The following NAV3 variants were observed in gnomAD, a reference collection of about 807,000 sequenced individuals.
NAV3 encodes the protein pore membrane and/or filament interacting like protein 1.
NAV3 carries 87 observed loss-of-function variants against 244.7 expected under a neutral mutation model. That is an observed-to-expected ratio of 0.36 (90% CI 0.30 to 0.42). The LOEUF (loss-of-function observed/expected upper bound fraction) is 0.42. NAV3 is among the 20% of genes least tolerant of loss of function. NAV3 has a pLI of 1.00. For missense variants in NAV3, 2,663 were observed against 2,893.3 expected (o/e 0.92, Z 1.83); for synonymous variants, 1,126 against 1,042.2 (o/e 1.08, Z -1.55).
intron 1 of NAV3, among the ~76,000 whole-genome samples, chr12:77,885,919 A>G (rs1883230424): frequency 6.6e-6 from 1 of 152,074 alleles, no homozygotes; most frequent in Admixed American, 6.6e-5. Flanking sequence ...AATAAATACA[A>G]CCTTTTTAGG....
intron 1 of NAV3, among the ~76,000 whole-genome samples, chr12:77,844,910 G>T (rs1876354305): frequency 6.6e-6 from 1 of 152,016 alleles, no homozygotes; most frequent in African/African-American, 2.4e-5. Context: ...CTCGACTTTG[G>T]GATTAGGACA....
intron 1 of NAV3, among the ~76,000 whole-genome samples, chr12:77,844,820 T>C (rs909647026): frequency 6.6e-6 from 1 of 152,174 alleles, no homozygotes; most frequent in African/African-American, 2.4e-5. Flanking sequence ...TAATATGAAA[T>C]CACTAAACTT....
intron 2 of NAV3, among the ~76,000 whole-genome samples, chr12:77,757,913 C>T (rs1289065575): frequency 3.3e-5 from 5 of 152,198 alleles, no homozygotes; most frequent in South Asian, 2.1e-4. Flanking sequence ...CTTCTGAGAC[C>T]CCATTTCACT....
At chr12:77,997,230 C>A (rs1593231420) in intron 6 of NAV3, among the ~76,000 whole-genome samples, 1 of 109,628 alleles carries the variant, frequency 9.1e-6, no homozygotes, top group Non-Finnish European at 1.8e-5. Context: ...AGAGTGACAC[C>A]CTGTCTCAAA....
At chr12:77,701,312 A>G (rs139474832) in intron 2 of NAV3, among the ~76,000 whole-genome samples, 161 of 152,074 alleles carry the variant, frequency 1.1e-3, no homozygotes, top group African/African-American at 3.5e-3. Context: ...GATGTAATCA[A>G]AGTTGTCAAA....
chr12:77,976,674 C>CTTTTTTTT (rs869041498), intron 5 of NAV3, among the ~76,000 whole-genome samples: 16 of 83,426 alleles, frequency 1.9e-4, no homozygotes, highest in East Asian at 7.9e-4. Flanking sequence ...TTCTTTTTTT[C>CTTTTTTTT]TTTTTTTTTT....
chr12:77,991,286 A>G (rs1479645913), intron 5 of NAV3, among the ~76,000 whole-genome samples: 1 of 152,130 alleles, frequency 6.6e-6, no homozygotes, highest in Admixed American at 6.5e-5. Context: ...AGACTCCCAA[A>G]GTGCTGTGAT....
At chr12:77,654,771 C>G (rs139221731) in intron 2 of NAV3, among the ~76,000 whole-genome samples, 1 of 147,618 alleles carries the variant, frequency 6.8e-6, no homozygotes, top group Non-Finnish European at 1.5e-5. Flanking sequence ...TCCAGAGGAA[C>G]GATCAGACAG....
At chr12:77,766,800 C>A (rs533508323) in intron 2 of NAV3, among the ~76,000 whole-genome samples, 53 of 122,536 alleles carry the variant, frequency 4.3e-4, no homozygotes, top group African/African-American at 1.6e-3. Flanking sequence ...GTCACCCAGG[C>A]TGGAGTATAG....
At chr12:77,719,549 C>T (rs1209269604) in intron 2 of NAV3, among the ~76,000 whole-genome samples, 3 of 152,096 alleles carry the variant, frequency 2.0e-5, no homozygotes, top group African/African-American at 7.2e-5. Context: ...TTTTCTGCCC[C>T]TGTTGACATA....
At chr12:77,803,749 G>T (rs1871832252) in intron 2 of NAV3, among the ~76,000 whole-genome samples, 1 of 152,176 alleles carries the variant, frequency 6.6e-6, no homozygotes, top group African/African-American at 2.4e-5. Flanking sequence ...CACCAACAGT[G>T]TAAAAGCGTT....
chr12:77,706,875 AAAAAAAAAAAAAAAAAAACC>A (rs2137230049), intron 2 of NAV3, among the ~76,000 whole-genome samples: 1 of 141,638 alleles, frequency 7.1e-6, no homozygotes, highest in Admixed American at 6.8e-5. Flanking sequence ...TGTTTCAAAA[AAAAAAAAAAAAAAAAAAACC>A]AAAAAAAAAA....
intron 1 of NAV3, among the ~76,000 whole-genome samples, chr12:77,934,257 AACTTG>A (rs1698508766): frequency 6.6e-6 from 1 of 152,238 alleles, no homozygotes; most frequent in Admixed American, 6.5e-5. Context: ...TGTCATACAT[AACTTG>A]ACTTATTTTA....
chr12:77,659,331 T>G (rs887020074), intron 2 of NAV3, among the ~76,000 whole-genome samples: 5 of 151,904 alleles, frequency 3.3e-5, no homozygotes, highest in African/African-American at 1.2e-4. Context: ...AAAGAAGACA[T>G]TTATGCAGCC....
At chr12:78,191,006 A>G (rs970648647) in intron 34 of NAV3, among the ~76,000 whole-genome samples, 9 of 152,168 alleles carry the variant, frequency 5.9e-5, no homozygotes, top group Non-Finnish European at 1.0e-4. Context: ...AAATGCAACT[A>G]TTATAAGCAA....
At chr12:78,174,645 G>T (rs1474019193) in intron 24 of NAV3, among the ~76,000 whole-genome samples, 3 of 151,884 alleles carry the variant, frequency 2.0e-5, no homozygotes, top group African/African-American at 7.2e-5. Flanking sequence ...GGCAGTAGGG[G>T]TACATTGGAA....
intron 2 of NAV3, among the ~76,000 whole-genome samples, chr12:77,775,150 C>T (rs940849642): frequency 2.6e-5 from 4 of 151,892 alleles, no homozygotes; most frequent in Non-Finnish European, 4.4e-5. Flanking sequence ...CCAGCACTTT[C>T]GGAGGCCAAA....
At chr12:77,572,564 C>A (rs1445928802) in intron 2 of NAV3, among the ~76,000 whole-genome samples, 1 of 152,056 alleles carries the variant, frequency 6.6e-6, no homozygotes, top group Non-Finnish European at 1.5e-5. Context: ...TCTCTGAGAC[C>A]CAGGGTGAGG....
At chr12:77,653,726 T>C (rs900962429) in intron 2 of NAV3, among the ~76,000 whole-genome samples, 1 of 152,142 alleles carries the variant, frequency 6.6e-6, no homozygotes, top group South Asian at 2.1e-4. Context: ...TACTTCTGGG[T>C]GAATACAACA....
Sources: allele counts gnomAD v4.1 joint callset (sites outside exome capture counted in the v4.1 genomes callset), GRCh38; gene constraint gnomAD v4.1.1; transcripts MANE v1.5; gene names NCBI Gene and HGNC (gene_info 2026-07-23, HGNC 2026-07-21).